RRM2: variants seen among roughly 807,000 people sequenced by gnomAD.
The protein encoded by RRM2 is ribonucleoside-diphosphate reductase subunit M2.
Under a neutral mutation model 45.9 loss-of-function variants are expected in RRM2, and 6 were observed. The ratio of observed to expected loss-of-function variants is 0.13; its 90% CI spans 0.07 to 0.26. RRM2 has a LOEUF of 0.26. RRM2 is among the 10% of genes least tolerant of loss of function. RRM2 has a pLI of 1.00. For missense variants in RRM2, 343 were observed against 489.5 expected, an observed-to-expected ratio of 0.70 and a Z score of 2.82; for synonymous variants, 177 against 173.0, an observed-to-expected ratio of 1.02 and a Z score of -0.18.
chr2:10,123,700 TC>T (rs1662719499), intron 3 of RRM2, 35 bp from the exon 4 acceptor site: 1 of 1,451,074 alleles, frequency 6.9e-7, no homozygotes, highest in Admixed American at 1.7e-5. Flanking sequence ...TTTACTCTCT[TC>T]CTTTTATGCT....
intron 3 of RRM2, among the ~76,000 whole-genome samples, chr2:10,173,136 A>C (rs960474817): frequency 6.6e-6 from 1 of 152,172 alleles, no homozygotes; most frequent in Non-Finnish European, 1.5e-5. Context: ...AGTTTTCCGC[A>C]TCTGCAAAAT....
upstream of RRM2, among the ~76,000 whole-genome samples, chr2:10,136,484 T>G (rs1290603108): frequency 6.6e-6 from 1 of 152,134 alleles, no homozygotes; most frequent in East Asian, 1.9e-4. Flanking sequence ...CTGTTGCCCT[T>G]TATCAGAGGT....
downstream of RRM2, chr2:10,131,499 G>A (rs1178248582): frequency 3.9e-5 from 6 of 152,320 alleles, no homozygotes; most frequent in East Asian, 1.2e-3. Context: ...AGCACTTTGG[G>A]AGACCAAGGT....
intron 3 of RRM2, among the ~76,000 whole-genome samples, chr2:10,151,577 C>G (rs757514984): frequency 2.0e-5 from 3 of 152,206 alleles, no homozygotes; most frequent in Admixed American, 2.0e-4. Flanking sequence ...GGATCACAGG[C>G]GTGAGCCACC....
At chr2:10,137,835 C>T (rs1472734168), upstream of RRM2, among the ~76,000 whole-genome samples, 1 of 152,148 alleles carries the variant, frequency 6.6e-6, no homozygotes, top group Non-Finnish European at 1.5e-5. Context: ...AGAAGGGGTG[C>T]CAGGACGAGA....
At chr2:10,123,148 C>T (rs1662701935) in intron 2 of RRM2, 91 bp downstream of exon 2, 4 of 1,402,192 alleles carry the variant, frequency 2.9e-6, no homozygotes, top group Non-Finnish European at 3.8e-6. Context: ...TTCACACTCC[C>T]GCCCCGGCTC....
At chr2:10,148,289 G>T (rs968060046) in intron 3 of RRM2, among the ~76,000 whole-genome samples, 1 of 20,818 alleles carries the variant, frequency 4.8e-5, no homozygotes, top group Admixed American at 3.2e-4. Flanking sequence ...CACTCACATT[G>T]CCCTACAGGT....
In RRM2 at chr2:10,204,646, C is replaced by T. The variant is rs988053952; in HGVS notation, n.483-5665C>T. On this transcript the variant is annotated intron_variant and non_coding_transcript_variant, in intron 3 of 3. Transcript: ENST00000381786. This position sits in a 1 kb window ranked among gnomAD's most constrained non-coding sequence, Gnocchi z 4.0. The stretch of plus-strand genomic sequence containing the variant: ...CATTAGGGACAGGACGCTAATGCAT[C>T]GGCGCCCCATTGATTCTGCCTGGCT... 2.6e-5 allele frequency among the ~76,000 whole-genome samples: 4 copies of T among 152,210 alleles called. No individual in the cohort carries two copies. Among genetic ancestry groups the T allele is most frequent in the South Asian group, 2.1e-4 (1 of 4,834 alleles).
intron 5 of RRM2, 65 bp from the exon 6 acceptor site, chr2:10,126,810 G>C (rs1662788045): frequency 2.5e-6 from 3 of 1,217,800 alleles, no homozygotes; most frequent in Non-Finnish European, 3.6e-6. Flanking sequence ...CTCTTATCTA[G>C]CAGTTGGTAA....
intron 3 of RRM2, among the ~76,000 whole-genome samples, chr2:10,162,182 C>T (rs915122264): frequency 2.0e-5 from 3 of 152,102 alleles, no homozygotes; most frequent in East Asian, 3.9e-4. Context: ...ACGGGATGCC[C>T]GGGTGCACAG....
chr2:10,208,105 A>G (rs533466333), intron 3 of RRM2, among the ~76,000 whole-genome samples: 1 of 152,240 alleles, frequency 6.6e-6, no homozygotes, highest in South Asian at 2.1e-4. Flanking sequence ...GAAAGAAGGA[A>G]TTGGGAATTG....
At chr2:10,125,311 G>A (rs955667428) in intron 5 of RRM2, among the ~76,000 whole-genome samples, 1 of 152,222 alleles carries the variant, frequency 6.6e-6, no homozygotes, top group African/African-American at 2.4e-5. Context: ...ATTTAGGCAT[G>A]CAGGAGTTTG....
At position 10,209,376 on chromosome 2, in the gene RRM2, G is replaced by A. The variant is rs372564705; in HGVS notation, n.483-935G>A. ...CCCAGCCTGGAAAGTAGTTTCTATAGTACAAAGCCGGGGGTGCTGCTCCCC... is the reference window on the plus strand; with the variant it reads ...CCCAGCCTGGAAAGTAGTTTCTATAATACAAAGCCGGGGGTGCTGCTCCCC... On this transcript the variant is annotated intron_variant and non_coding_transcript_variant, in intron 3 of 3. Transcript: ENST00000381786. Among the ~76,000 whole-genome samples the A allele has an allele frequency of 2.3e-4, 35 of 152,152 alleles. 1 individual carries two copies. In the East Asian group the frequency reaches 2.7e-3, roughly 12 times the overall value.
At chr2:10,150,898 C>G (rs1663298146) in intron 3 of RRM2, among the ~76,000 whole-genome samples, 1 of 151,600 alleles carries the variant, frequency 6.6e-6, no homozygotes, top group African/African-American at 2.4e-5. Context: ...ACTGCAACCT[C>G]CACCTCCTGG....
At position 10,169,797 on chromosome 2, in the gene RRM2, G is replaced by A. The variant is rs1013694403; in HGVS notation, n.482+27422G>A. On this transcript the variant is annotated intron_variant and non_coding_transcript_variant, in intron 3 of 3. Coordinates refer to the RRM2 transcript ENST00000381786. The surrounding 1 kb of genome is among the most constrained non-coding windows in gnomAD (Gnocchi z 5.1). ...GGAGCAGGAGGCTGAGGCCAGGGGG[G>A]ATGGCAGCCCCCGGGGATCTGAGGA... Among the ~76,000 whole-genome samples the A allele has an allele frequency of 6.6e-6, 1 of 152,196 alleles. No homozygotes were observed. The highest frequency in any genetic ancestry group is 1.5e-5 in the Non-Finnish European group (1 of 68,036).
At chr2:10,187,011 C>T (rs528341688) in intron 3 of RRM2, among the ~76,000 whole-genome samples, 10 of 152,338 alleles carry the variant, frequency 6.6e-5, no homozygotes, top group African/African-American at 1.7e-4. Context: ...GAGGTGCGTG[C>T]GGGGCTGGTG....
chr2:10,128,942 G>A lies in RRM2; in HGVS notation c.893G>A (p.Arg298Gln), dbSNP rs1475538319. The A allele has an allele frequency of 6.2e-6, 10 of 1,612,006 alleles. No individual in the cohort carries two copies. The highest frequency in any genetic ancestry group is 1.3e-5 in the African/African-American group (1 of 74,864). Residue 298 changes from arginine to glutamine, a missense_variant, in exon 8 of 10, where the codon CGG (arginine) becomes CAG (glutamine). Coordinates refer to ENST00000304567, the MANE Select transcript of RRM2 (RefSeq NM_001034.4). Reference sequence around the variant, plus strand: ...AGAGAAATAATTATCAATGCTGTTCGGATAGAACAGGTAAAGTGGGTGATG... The same window carrying A: ...AGAGAAATAATTATCAATGCTGTTCAGATAGAACAGGTAAAGTGGGTGATG... Reference protein sequence around the residue: ...RVREIIINAVRIEQEFLTEAL... With the variant: ...RVREIIINAVQIEQEFLTEAL...
intron 3 of RRM2, among the ~76,000 whole-genome samples, chr2:10,166,438 C>T (rs948020159): frequency 3.3e-5 from 5 of 152,226 alleles, no homozygotes; most frequent in Admixed American, 1.3e-4. Flanking sequence ...CACCAAGCTG[C>T]CCTGAACAGA....
rs1662854538 is a variant in RRM2 at position 10,129,565 on chromosome 2, C to T, written c.*179C>T. On this transcript the variant is annotated 3_prime_UTR_variant, in exon 10 of 10. Transcript: ENST00000304567. The surrounding 1 kb of genome is among the most constrained non-coding windows in gnomAD (Gnocchi z 4.8). ...TGTCTGTTTATAGTGCTGGTAGTATCACCTTTTGCCAGAAGGCCTGGCTGG... is the reference window on the plus strand; with the variant it reads ...TGTCTGTTTATAGTGCTGGTAGTATTACCTTTTGCCAGAAGGCCTGGCTGG... 3.0e-6 allele frequency: 2 copies of T among 658,644 alleles called. No homozygotes were observed. The highest frequency in any genetic ancestry group is 4.3e-5 in the South Asian group (2 of 47,034). The allele number at this position is 658,644 out of a possible 1,614,324, so 40.8% of individuals were successfully genotyped here. A position where few individuals can be genotyped will look rare whatever the true frequency, so the allele number is the denominator to read the frequency against.
Sources: allele counts gnomAD v4.1 joint callset (sites outside exome capture counted in the v4.1 genomes callset), GRCh38; gene constraint gnomAD v4.1.1; non-coding constraint Gnocchi (gnomAD v3.1); transcripts MANE v1.5; gene names NCBI Gene and HGNC (gene_info 2026-07-23, HGNC 2026-07-21).